Variants in PCDHGA9 observed in about 807,000 individuals in gnomAD.
PCDHGA9 encodes the protein protocadherin gamma-A9.
A neutral mutation model predicts 62.5 loss-of-function variants in PCDHGA9; 37 were observed. The ratio of observed to expected loss-of-function variants is 0.59; its 90% CI spans 0.46 to 0.78. The LOEUF is 0.78. Ranked by LOEUF, PCDHGA9 falls within the 30% of genes least tolerant of loss-of-function variation. The pLI, the probability that PCDHGA9 is intolerant of heterozygous loss-of-function variation, is 0.00. For missense variants in PCDHGA9, 1,138 were observed against 1,166.2 expected, an observed-to-expected ratio of 0.98 and a Z score of 0.35; for synonymous variants, 459 against 484.6, an observed-to-expected ratio of 0.95 and a Z score of 0.69.
At chr5:141,462,152 G>C (rs1336635196) in intron 1 of PCDHGA9, among the ~76,000 whole-genome samples, 6 of 152,034 alleles carry the variant, frequency 3.9e-5, no homozygotes, top group African/African-American at 7.2e-5. Flanking sequence ...TAGAGATGGG[G>C]TTTCATCATG....
Position 141,433,359 on chromosome 5 carries a change from CTAT to C in PCDHGA9, c.2424+27984_2424+27986del, listed in dbSNP as rs2097588942. 4 of 228,708 alleles carry C rather than the reference CTAT, an allele frequency of 1.7e-5. No homozygotes were observed. In the African/African-American group the frequency reaches 3.4e-4, roughly 19 times the overall value. The allele number at this position is 228,708 out of a possible 1,614,324, so 14.2% of individuals were successfully genotyped here. ...CAGGTGCAAGCCACCTACTGTCTGC[CTAT>C]CTATCTATCTATCTATCTATCTATC... On this transcript the variant is annotated intron_variant, in intron 1 of 3. Coordinates refer to ENST00000573521, the MANE Select transcript of PCDHGA9 (RefSeq NM_018921.3).
chr5:141,404,790 A>T lies in PCDHGA9; in HGVS notation c.1838A>T (p.Glu613Val). 1 of 1,611,288 alleles carries T rather than the reference A, an allele frequency of 6.2e-7. No homozygotes were observed. The highest frequency in any genetic ancestry group is 2.2e-5 in the East Asian group (1 of 44,704). The change falls in exon 1 of 4, where the codon GAG (glutamate) becomes GTG (valine). Residue 613 changes from glutamate to valine, a missense_variant. By Grantham distance (121) the Glu-to-Val change is moderately radical. Transcript: ENST00000573521. ...WLSYRLFKAS[E>V]PGLFSVGLHT... The stretch of plus-strand genomic sequence containing the variant: ...TCCTACCGCCTATTCAAGGCCAGTG[A>T]GCCAGGGCTCTTCTCGGTGGGGCTG...
Position 141,431,939 on chromosome 5 carries a change from T to A in PCDHGA9, c.2424+26563T>A, listed in dbSNP as rs1377573207. The A allele has an allele frequency of 2.2e-5, 35 of 1,613,996 alleles. No individual in the cohort carries two copies. The highest frequency in any genetic ancestry group is 2.9e-5 in the Non-Finnish European group (34 of 1,180,000). On this transcript the variant is annotated intron_variant, in intron 1 of 3. Coordinates refer to ENST00000573521, the MANE Select transcript of PCDHGA9 (RefSeq NM_018921.3). This position sits in a 1 kb window ranked among gnomAD's most constrained non-coding sequence, Gnocchi z 4.8. ...CATCCAAGGAAATCTGCCCTTTAAA[T>A]TAGAAAAATCTTACGGAAATTACTA...
At chr5:141,475,491 C>T (rs1321482409) in intron 1 of PCDHGA9, among the ~76,000 whole-genome samples, 2 of 152,202 alleles carry the variant, frequency 1.3e-5, no homozygotes, top group African/African-American at 4.8e-5. Flanking sequence ...AGAGATAAAA[C>T]TGAAATTATT....
At chr5:141,440,887 G>C (rs1423303973) in intron 1 of PCDHGA9, 4 of 152,206 alleles carry the variant, frequency 2.6e-5, no homozygotes, top group Non-Finnish European at 5.9e-5. Context: ...TCGGCCTTCA[G>C]GAAGATGTGC....
chr5:141,487,377 C>G lies in PCDHGA9; in HGVS notation c.2425-7430C>G, dbSNP rs758216933. On this transcript the variant is annotated intron_variant, in intron 1 of 3. Coordinates refer to ENST00000573521, the MANE Select transcript of PCDHGA9 (RefSeq NM_018921.3). This position sits in a 1 kb window ranked among gnomAD's most constrained non-coding sequence, Gnocchi z 5.0. ...CCTGCTGGCACCTGTGCCTGTCTCA[C>G]CAGATCTCGAAGGAGGGAGGGGCTT... 6.2e-7 allele frequency: 1 copy of G among 1,614,190 alleles called. No individual in the cohort carries two copies. The highest frequency in any genetic ancestry group is 1.1e-5 in the South Asian group (1 of 91,086).
chr5:141,421,402 G>A (rs2096569907), intron 1 of PCDHGA9: 1 of 1,614,076 alleles, frequency 6.2e-7, no homozygotes, highest in Non-Finnish European at 8.5e-7. Context: ...GGAGCCCCGG[G>A]AGCTGGCGAA....
intron 1 of PCDHGA9, chr5:141,426,610 C>G (rs1376781969): frequency 2.6e-6 from 1 of 382,832 alleles, no homozygotes; most frequent in Non-Finnish European, 5.3e-6. Context: ...GAGATTGTAG[C>G]AGAGAATCCT....
chr5:141,486,706 C>T lies in PCDHGA9; in HGVS notation c.2425-8101C>T. 1.2e-6 allele frequency: 2 copies of T among 1,614,154 alleles called. No homozygotes were observed. Among genetic ancestry groups the T allele is most frequent in the Admixed American group, 1.7e-5 (1 of 60,020 alleles). On this transcript the variant is annotated intron_variant, in intron 1 of 3. Transcript: ENST00000573521. This position sits in a 1 kb window ranked among gnomAD's most constrained non-coding sequence, Gnocchi z 5.0. ...CAGCTTCCTCTTTCATCTCTCTGAACCCCCAGACAGGAGCTGTTCATGCTA... is the reference window on the plus strand; with the variant it reads ...CAGCTTCCTCTTTCATCTCTCTGAATCCCCAGACAGGAGCTGTTCATGCTA...
rs764070772 is a variant in PCDHGA9, at chr5:141,476,415, C to T, written c.2425-18392C>T. ...CTGGATCGAGAGGAGCTGTGTGGGACACTGCCCTCTTGCACTGTAACTCTG... is the reference window on the plus strand; with the variant it reads ...CTGGATCGAGAGGAGCTGTGTGGGATACTGCCCTCTTGCACTGTAACTCTG... On this transcript the variant is annotated intron_variant, in intron 1 of 3. Transcript: ENST00000573521. This position sits in a 1 kb window ranked among gnomAD's most constrained non-coding sequence, Gnocchi z 7.6. 2.5e-6 allele frequency: 4 copies of T among 1,614,098 alleles called. No homozygotes were observed. The South Asian group carries it at 4.4e-5, about 18-fold the overall frequency.
At chr5:141,442,473 C>T (rs1435437337) in intron 1 of PCDHGA9, 1 of 152,240 alleles carries the variant, frequency 6.6e-6, no homozygotes, top group Non-Finnish European at 1.5e-5. Flanking sequence ...CAGAAAGCCC[C>T]TTGGGGAAGG....
chr5:141,419,522 C>A, intron 1 of PCDHGA9: 4 of 1,612,178 alleles, frequency 2.5e-6, no homozygotes, highest in Non-Finnish European at 3.4e-6. Context: ...GGTGGGCGAC[C>A]GTAACGACAA....
intron 1 of PCDHGA9, chr5:141,418,530 G>A (rs370822103): frequency 5.0e-6 from 8 of 1,613,834 alleles, no homozygotes; most frequent in Non-Finnish European, 6.8e-6. Context: ...CCCCGAAGCG[G>A]TACTGCTCAG....
intron 1 of PCDHGA9, chr5:141,416,537 G>T (rs2096038948): frequency 6.6e-6 from 1 of 152,082 alleles, no homozygotes; most frequent in Admixed American, 6.6e-5. Context: ...AATGTATAAG[G>T]AGGCAAACAC....
intron 1 of PCDHGA9, chr5:141,427,083 C>T: frequency 2.2e-6 from 1 of 458,128 alleles, no homozygotes; most frequent in South Asian, 1.5e-5. Flanking sequence ...AGCCACTGAC[C>T]AGGATGAGGG....
At chr5:141,430,946 G>A (rs2097328634) in intron 1 of PCDHGA9, 1 of 1,609,494 alleles carries the variant, frequency 6.2e-7, no homozygotes, top group Non-Finnish European at 8.5e-7. Flanking sequence ...CGCGGAGCGC[G>A]GAGTCCGCAT....
At chr5:141,469,833 TTA>T (rs1343669772) in intron 1 of PCDHGA9, among the ~76,000 whole-genome samples, 2 of 152,054 alleles carry the variant, frequency 1.3e-5, no homozygotes, top group Non-Finnish European at 2.9e-5. Flanking sequence ...CACATAAAAC[TTA>T]TTCTTAAGAT....
chr5:141,413,926 T>C, intron 1 of PCDHGA9: 4 of 1,613,380 alleles, frequency 2.5e-6, no homozygotes, highest in Non-Finnish European at 3.4e-6. Flanking sequence ...CTTGCCAGAA[T>C]ACCGAGTGAG....
At chr5:141,468,783 G>T (rs908838744) in intron 1 of PCDHGA9, among the ~76,000 whole-genome samples, 5 of 151,346 alleles carry the variant, frequency 3.3e-5, no homozygotes, top group East Asian at 2.0e-4. Flanking sequence ...GGAGAATGGC[G>T]TGAACCCGGG....
Sources: gnomAD v4.1 joint callset for allele counts (sites outside exome capture counted in the v4.1 genomes callset) on GRCh38, gnomAD v4.1.1 for gene constraint, Gnocchi (gnomAD v3.1) non-coding constraint, MANE v1.5 for transcripts, NCBI Gene and HGNC (gene_info 2026-07-23, HGNC 2026-07-21) for gene names.